Variants in PDE7A observed in about 807,000 individuals in gnomAD.
PDE7A encodes phosphodiesterase 7A, also known as high affinity 3',5'-cyclic-AMP phosphodiesterase 7A.
Under a neutral mutation model 64.3 loss-of-function variants are expected in PDE7A, and 39 were observed. The ratio of observed to expected loss-of-function variants is 0.61; its 90% confidence interval spans 0.47 to 0.79. The LOEUF is 0.79. PDE7A is among the 30% of genes least tolerant of loss of function. The probability of loss-of-function intolerance (pLI) is 0.00; values close to 1 mark genes in which losing one functional copy is unlikely to be tolerated. For synonymous variants in PDE7A, 203 were observed against 206.8 expected, an observed-to-expected ratio of 0.98 and a Z score of 0.16; for missense variants, 470 against 582.8, an observed-to-expected ratio of 0.81 and a Z score of 1.99.
intron 1 of PDE7A, among the ~76,000 whole-genome samples, chr8:65,790,035 A>G (rs564055128): frequency 6.6e-6 from 1 of 152,392 alleles, no homozygotes; most frequent in East Asian, 1.9e-4. Context: ...CTTCTTCCAG[A>G]ATCTCTGAAA....
chr8:65,731,834 G>A (rs752245739), intron 7 of PDE7A, among the ~76,000 whole-genome samples: 3 of 152,006 alleles, frequency 2.0e-5, no homozygotes, highest in Non-Finnish European at 4.4e-5. Flanking sequence ...ATATACTTAA[G>A]TCTATTTACT....
At position 65,723,552 on chromosome 8, in the gene PDE7A, T is replaced by C. The variant is rs1191272565; in HGVS notation, c.1232A>G (p.Asn411Ser). The change falls in exon 12 of 13, where the codon AAC (asparagine) becomes AGC (serine). Residue 411 changes from asparagine to serine, a missense_variant. Asn to Ser is a conservative substitution (Grantham distance 46, BLOSUM62 1). Coordinates refer to ENST00000401827, the MANE Select transcript of PDE7A (RefSeq NM_001242318.3). ...ATATGTATAGTTACCAATCTGGATGTTGGCAATAGATTCAGTGTGACGATC... is the reference window on the plus strand; with the variant it reads ...ATATGTATAGTTACCAATCTGGATGCTGGCAATAGATTCAGTGTGACGATC... ...LCDRHTESIA[N>S]IQIGFMTYLV... is the part of the protein sequence containing the mutation. The C allele has an allele frequency of 1.9e-6, 3 of 1,576,336 alleles. No individual in the cohort carries two copies. The highest frequency in any genetic ancestry group is 1.4e-5 in the African/African-American group (1 of 73,356).
chr8:65,729,416 A>G (rs886923343), intron 7 of PDE7A, among the ~76,000 whole-genome samples: 2 of 141,522 alleles, frequency 1.4e-5, no homozygotes, highest in African/African-American at 5.1e-5. Flanking sequence ...AAAATATAGT[A>G]GAAATAGCAG....
intron 1 of PDE7A, among the ~76,000 whole-genome samples, chr8:65,816,891 A>C (rs1280361139): frequency 1.3e-5 from 2 of 152,188 alleles, no homozygotes; most frequent in Non-Finnish European, 2.9e-5. Flanking sequence ...CAAATATGAG[A>C]AGTTGTCCAA....
rs552409504 is a variant in PDE7A, at chr8:65,717,545, C to T, written c.*1745G>A. Reference sequence around the variant, plus strand: ...CTGCTTACTCACTTGCAAGGTGAGTCATTAGTAGATAAGCTCGGACTGAGT... The same window carrying T: ...CTGCTTACTCACTTGCAAGGTGAGTTATTAGTAGATAAGCTCGGACTGAGT... On this transcript the variant is annotated 3_prime_UTR_variant, in exon 13 of 13. Coordinates refer to ENST00000401827, the MANE Select transcript of PDE7A (RefSeq NM_001242318.3). 1 of 152,308 alleles carries T rather than the reference C, an allele frequency of 6.6e-6. No individual in the cohort carries two copies. Among genetic ancestry groups the T allele is most frequent in the South Asian group, 2.1e-4 (1 of 4,830 alleles). 9.4% of individuals were successfully genotyped at this position (152,308 alleles called of 1,614,324 possible). A position where few individuals can be genotyped will look rare whatever the true frequency, so the allele number is the denominator to read the frequency against.
chr8:65,835,745 G>A (rs1810935734), intron 1 of PDE7A, among the ~76,000 whole-genome samples: 1 of 152,140 alleles, frequency 6.6e-6, no homozygotes, highest in Admixed American at 6.5e-5. Flanking sequence ...GCAGACTTTG[G>A]TGTTTAAGAA....
intron 3 of PDE7A, among the ~76,000 whole-genome samples, chr8:65,749,687 C>T (rs1356033787): frequency 6.6e-6 from 1 of 152,206 alleles, no homozygotes; most frequent in Non-Finnish European, 1.5e-5. Context: ...CCACTTTACA[C>T]ATGAGAACAC....
chr8:65,721,329 A>G lies in PDE7A; in HGVS notation c.1244-1834T>C, dbSNP rs190037488. Reference sequence around the variant, plus strand: ...AAGAAAGAAACTGTATTAGTTCAACATGACTTGTACATACTGCCCCTATGT... The same window carrying G: ...AAGAAAGAAACTGTATTAGTTCAACGTGACTTGTACATACTGCCCCTATGT... On this transcript the variant is annotated intron_variant, in intron 12 of 12. Coordinates refer to ENST00000401827, the MANE Select transcript of PDE7A (RefSeq NM_001242318.3). 2.2e-3 allele frequency among the ~76,000 whole-genome samples: 338 copies of G among 152,374 alleles called. 1 individual carries two copies. Among genetic ancestry groups the G allele is most frequent in the South Asian group, 6.2e-3 (30 of 4,834 alleles).
intron 1 of PDE7A, among the ~76,000 whole-genome samples, chr8:65,800,651 T>C (rs1392665378): frequency 6.6e-6 from 1 of 152,192 alleles, no homozygotes; most frequent in African/African-American, 2.4e-5. Context: ...GGCCCTAGTT[T>C]GGTTCTATAA....
intron 12 of PDE7A, 170 bp from the exon 13 acceptor site, chr8:65,719,665 C>T (rs1469880561): frequency 1.0e-5 from 6 of 581,844 alleles, no homozygotes; most frequent in Non-Finnish European, 6.1e-6. Flanking sequence ...TGTACATATC[C>T]ACTTTGAAGA....
At chr8:65,840,431 C>CA (rs1811054116) in intron 1 of PDE7A, among the ~76,000 whole-genome samples, 1 of 147,664 alleles carries the variant, frequency 6.8e-6, no homozygotes, top group Non-Finnish European at 1.5e-5. Context: ...CACACACACA[C>CA]CTTGCTCAAG....
chr8:65,785,739 G>T (rs748768775), intron 1 of PDE7A, among the ~76,000 whole-genome samples: 24 of 152,286 alleles, frequency 1.6e-4, no homozygotes, highest in Non-Finnish European at 2.9e-4. Flanking sequence ...ATTTGATGGT[G>T]TCCAGTAACA....
At chr8:65,841,205 A>G (rs887111651) in intron 1 of PDE7A, among the ~76,000 whole-genome samples, 166 bp downstream of exon 1, 3 of 152,192 alleles carry the variant, frequency 2.0e-5, no homozygotes, top group East Asian at 1.9e-4. Flanking sequence ...GAGGGGGGAC[A>G]GCCAGGAATA....
At chr8:65,835,905 C>T (rs1436187805) in intron 1 of PDE7A, among the ~76,000 whole-genome samples, 1 of 152,196 alleles carries the variant, frequency 6.6e-6, no homozygotes, top group African/African-American at 2.4e-5. Context: ...GTTAGAACTA[C>T]ACTCCCACTC....
chr8:65,789,205 G>C (rs1809637287), intron 1 of PDE7A: 3 of 457,496 alleles, frequency 6.6e-6, no homozygotes, highest in Non-Finnish European at 1.1e-5. Flanking sequence ...TGGAAGAGGG[G>C]AGGGAAAAGA....
At chr8:65,737,874 A>C (rs1807217720) in intron 6 of PDE7A, among the ~76,000 whole-genome samples, 1 of 152,220 alleles carries the variant, frequency 6.6e-6, no homozygotes, top group Admixed American at 6.5e-5. Flanking sequence ...TTATAGTTCC[A>C]CAGTTTTACC....
chr8:65,727,398 G>T, intron 7 of PDE7A, 97 bp from the exon 8 acceptor site: 1 of 1,523,952 alleles, frequency 6.6e-7, no homozygotes. Flanking sequence ...GGTAGTGGTG[G>T]TAATCTCCTC....
chr8:65,822,371 G>A (rs899388920), intron 1 of PDE7A, among the ~76,000 whole-genome samples: 2 of 152,214 alleles, frequency 1.3e-5, no homozygotes, highest in Non-Finnish European at 2.9e-5. Context: ...GAATGCCACC[G>A]CAGAGAAAGG....
Position 65,717,320 on chromosome 8 carries a change from T to C in PDE7A, c.*1970A>G, listed in dbSNP as rs1806179789. Among the ~76,000 whole-genome samples, 1 of 152,250 alleles carries C rather than the reference T, an allele frequency of 6.6e-6. No homozygotes were observed. Among genetic ancestry groups the C allele is most frequent in the African/African-American group, 2.4e-5 (1 of 41,466 alleles). On this transcript the variant is annotated 3_prime_UTR_variant, in exon 13 of 13. Transcript: ENST00000401827. Reference sequence around the variant, plus strand: ...AGTGGTACCTTGTTTACAACTGATATCAATCAAGTAGAGTGGAGTGGCCTT... The same window carrying C: ...AGTGGTACCTTGTTTACAACTGATACCAATCAAGTAGAGTGGAGTGGCCTT...
Sources: gnomAD v4.1 joint callset for allele counts (sites outside exome capture counted in the v4.1 genomes callset) on GRCh38, gnomAD v4.1.1 for gene constraint, MANE v1.5 for transcripts, NCBI Gene and HGNC (gene_info 2026-07-23, HGNC 2026-07-21) for gene names.